The following PELP1 variants were observed in gnomAD, a reference collection of about 807,000 sequenced individuals.
PELP1 encodes the protein proline-, glutamic acid- and leucine-rich protein 1.
A neutral mutation model predicts 95.5 loss-of-function variants in PELP1; 32 were observed. The ratio of observed to expected loss-of-function variants is 0.34; its 90% CI spans 0.25 to 0.45. The LOEUF (loss-of-function observed/expected upper bound fraction) is 0.45, where lower values mean the gene tolerates loss of function less well. PELP1 is among the 20% of genes least tolerant of loss of function. The pLI is 1.00. For missense variants in PELP1, 1,358 were observed against 1,444.8 expected, an observed-to-expected ratio of 0.94 and a Z score of 0.97; for synonymous variants, 668 against 600.1, an observed-to-expected ratio of 1.11 and a Z score of -1.65.
chr17:4,673,333 G>T lies in PELP1; in HGVS notation c.1762C>A (p.Leu588Met). ...GGTGGGCAGCGAGGAGACGGGGCCA[G>T]CAGCAGCGCCAGCAGCAGGCAGTAG... is the stretch of plus-strand genomic sequence containing the variant. ...ELYCLLLALL[L>M]APSPRCPPPL... Residue 588 changes from leucine (L) to methionine (M), a missense_variant, in exon 15 of 17, where the codon CTG becomes ATG. Transcript: ENST00000572293. The surrounding 1 kb of genome is among the most constrained non-coding windows in gnomAD (Gnocchi z 5.7). 1 of 1,592,922 alleles carries T rather than the reference G, an allele frequency of 6.3e-7. No individual in the cohort carries two copies. Among genetic ancestry groups the T allele is most frequent in the Non-Finnish European group, 8.5e-7 (1 of 1,169,942 alleles).
rs994484147 is a variant in PELP1, at chr17:4,703,902, C to T, written c.210G>A (p.Met70Ile). 5 of 1,613,268 alleles carry T rather than the reference C, an allele frequency of 3.1e-6. No homozygotes were observed. The highest frequency in any genetic ancestry group is 2.7e-5 in the African/African-American group (2 of 74,932). The stretch of plus-strand genomic sequence containing the variant: ...CCGACCCATGCAGCCGCAATAGGCA[C>T]ATGAGCCCGGGCAAATGTGGGGCCG... ...NRSAPHLPGL[M>I]CLLRLHGSVG... The change falls in exon 1 of 17, where the codon ATG becomes ATA. Residue 70 changes from methionine to isoleucine, a missense_variant. Met to Ile is a conservative substitution (Grantham distance 10). This residue lies in a region of PELP1 where 169 missense variants were observed against 134.9 expected (regional missense o/e 1.25). Transcript: ENST00000572293.
chr17:4,680,805 C>T (rs1235439414), intron 5 of PELP1, among the ~76,000 whole-genome samples: 1 of 152,188 alleles, frequency 6.6e-6, no homozygotes, highest in Admixed American at 6.5e-5. Flanking sequence ...CAGGGGAATA[C>T]CTACTTGTTC....
rs768684217 is a variant in PELP1, at chr17:4,674,523, C to T, written c.1569G>A (p.Ala523=). 8.7e-6 allele frequency: 14 copies of T among 1,612,958 alleles called. No homozygotes were observed. The highest frequency in any genetic ancestry group is 1.1e-5 in the Non-Finnish European group (13 of 1,179,502). Residue 523 remains alanine, a synonymous_variant, in exon 13 of 17, where the codon GCG becomes GCA. Coordinates refer to ENST00000572293, the MANE Select transcript of PELP1 (RefSeq NM_014389.3). The part of the protein sequence containing the change: ...GDSNANSDVC[A]AALRGLSRTI... ...GGCCTCACCCACCTCTGAGTGCAGC[C>T]GCACACACGTCGCTGTTGGCATTGC...
chr17:4,698,024 T>C (rs1249993908), intron 1 of PELP1, among the ~76,000 whole-genome samples: 5 of 150,532 alleles, frequency 3.3e-5, no homozygotes, highest in Non-Finnish European at 4.4e-5. Flanking sequence ...TTTTTTTTTT[T>C]TTGTAGAGAT....
chr17:4,675,519 A>G lies in PELP1; in HGVS notation c.1069-157T>C. On this transcript the variant is annotated intron_variant, in intron 9 of 16. Coordinates refer to ENST00000572293, the MANE Select transcript of PELP1 (RefSeq NM_014389.3). This position sits in a 1 kb window ranked among gnomAD's most constrained non-coding sequence, Gnocchi z 4.3. Reference sequence around the variant, plus strand: ...ACAAAATCAAACCCCTATCCTCTAAAATAGACCCTGGATGGAAGGTAAGAA... The same window carrying G: ...ACAAAATCAAACCCCTATCCTCTAAGATAGACCCTGGATGGAAGGTAAGAA... The G allele has an allele frequency of 5.6e-6, 4 of 714,754 alleles. No homozygotes were observed. The highest frequency in any genetic ancestry group is 3.5e-5 in the African/African-American group (2 of 57,552). The allele number at this position is 714,754 out of a possible 1,614,324, so 44.3% of individuals were successfully genotyped here.
At chr17:4,700,856 T>C (rs1447896986) in intron 1 of PELP1, among the ~76,000 whole-genome samples, 2 of 144,140 alleles carry the variant, frequency 1.4e-5, no homozygotes, top group East Asian at 4.0e-4. Context: ...ACCTGGGAGG[T>C]TGAGGCCAAG....
In PELP1 at chr17:4,672,918, T is replaced by C. The variant is rs1458854533; in HGVS notation, c.2073A>G (p.Ser691=). The change falls in exon 16 of 17, where the codon TCA becomes TCG. Residue 691 remains serine, a synonymous_variant. Transcript: ENST00000572293. ...GPMPSAGPMP[S]AGPVPSARPG... ...GGCGTGCCGAGGGCACAGGGCCTGC[T>C]GAGGGCATGGGGCCTGCTGAAGGCA... is the stretch of plus-strand genomic sequence containing the variant. The C allele has an allele frequency of 6.2e-7, 1 of 1,612,482 alleles. No homozygotes were observed. The highest frequency in any genetic ancestry group is 1.7e-5 in the Admixed American group (1 of 59,912).
rs536226031 is a variant in PELP1 at position 4,683,251 on chromosome 17, T to C, written c.421-299A>G. The C allele has an allele frequency of 9.3e-3, 2,270 of 243,064 alleles. 20 individuals are homozygous for C. The highest frequency in any genetic ancestry group is 0.011 in the Non-Finnish European group (1,648 of 144,716). The allele number at this position is 243,064 out of a possible 1,614,324, so 15.1% of individuals were successfully genotyped here. A position where few individuals can be genotyped will look rare whatever the true frequency, so the allele number is the denominator to read the frequency against. ...TTTTTTTTTTTTTGAGACGGAGTCT[T>C]GCTCTGTCACCCAGGCTGGAGTGCA... On this transcript the variant is annotated intron_variant, in intron 3 of 16. Coordinates refer to ENST00000572293, the MANE Select transcript of PELP1 (RefSeq NM_014389.3).
chr17:4,676,776 C>T lies in PELP1; in HGVS notation c.679G>A (p.Ala227Thr), dbSNP rs374723509. 1 of 1,571,382 alleles carries T rather than the reference C, an allele frequency of 6.4e-7. No individual in the cohort carries two copies. Among genetic ancestry groups the T allele is most frequent in the Non-Finnish European group, 8.6e-7 (1 of 1,157,940 alleles). The change falls in exon 6 of 17, where the codon GCC becomes ACC. Residue 227 changes from alanine (A) to threonine (T), a missense_variant. Ala to Thr is a moderately conservative substitution (Grantham distance 58). Transcript: ENST00000572293. ...LASFFLSRVD[A>T]LSPQLQQLAC... is the part of the protein sequence containing the mutation. ...ACCTGTTGGAGCTGAGGGCTCAAGG[C>T]ATCCACCCTAGACAGAAAAAATGAG...
In PELP1 at chr17:4,672,722, C is replaced by A. The variant is rs546964350; in HGVS notation, c.2269G>T (p.Gly757Trp). Residue 757 changes from glycine to tryptophan, a missense_variant, in exon 16 of 17, where the codon GGG becomes TGG. Gly to Trp is a radical substitution (Grantham distance 184). Around this residue, in one of 7 missense-constraint regions of PELP1, gnomAD observed 340 missense variants for 322.9 expected, o/e 1.05. Transcript: ENST00000572293. ...AAGGCTGGTCTGGGCACTCTCCCCC[C>A]AAAAGTTTCATCTGGGGGTATAGTA... The part of the protein sequence containing the change: ...PPTIPPDETF[G>W]GRVPRPAFVH... The A allele has an allele frequency of 6.8e-6, 11 of 1,613,268 alleles. No homozygotes were observed. The highest frequency in any genetic ancestry group is 2.2e-5 in the East Asian group (1 of 44,878).
At chr17:4,677,302 T>C (rs1169939305) in intron 5 of PELP1, among the ~76,000 whole-genome samples, 1 of 152,088 alleles carries the variant, frequency 6.6e-6, no homozygotes, top group Non-Finnish European at 1.5e-5. Flanking sequence ...TTCGGCACTT[T>C]CTCTGCCTGC....
At chr17:4,683,394 G>A (rs1228399454) in intron 3 of PELP1, among the ~76,000 whole-genome samples, 2 of 151,710 alleles carry the variant, frequency 1.3e-5, no homozygotes, top group Non-Finnish European at 2.9e-5. Flanking sequence ...CTAATTTTTT[G>A]TATTTTTAGT....
intron 1 of PELP1, among the ~76,000 whole-genome samples, chr17:4,703,584 CA>C (rs1182616878): frequency 6.6e-6 from 1 of 152,102 alleles, no homozygotes; most frequent in East Asian, 1.9e-4. Flanking sequence ...TTAGATTATA[CA>C]ACTAGTGAGT....
Position 4,703,846 on chromosome 17 carries a change from G to T in PELP1, c.249+17C>A. ...ATCCTCCCCACAGGGCCGCGGGCACGCGGGCCACGGACTCACCTGGGCCCC... is the reference window on the plus strand; with the variant it reads ...ATCCTCCCCACAGGGCCGCGGGCACTCGGGCCACGGACTCACCTGGGCCCC... On this transcript the variant is annotated intron_variant, in intron 1 of 16. Transcript: ENST00000572293. 1 of 1,598,078 alleles carries T rather than the reference G, an allele frequency of 6.3e-7. No individual in the cohort carries two copies. Among genetic ancestry groups the T allele is most frequent in the Admixed American group, 1.7e-5 (1 of 58,222 alleles).
rs113347394 is a variant in PELP1 at position 4,684,437 on chromosome 17, A to G, written c.421-1485T>C. 4.2e-3 allele frequency among the ~76,000 whole-genome samples: 636 copies of G among 152,292 alleles called. 4 individuals are homozygous for G. The highest frequency in any genetic ancestry group is 0.027 in the Middle Eastern group (8 of 294). On this transcript the variant is annotated intron_variant, in intron 3 of 16. Coordinates refer to ENST00000572293, the MANE Select transcript of PELP1 (RefSeq NM_014389.3). ...CAGCAATTACTTTTGCACCAACCTA[A>G]TAAAACAGCCTTCGCTTCCCACTCC...
intron 16 of PELP1, 76 bp downstream of exon 16, chr17:4,671,613 TAA>T: frequency 6.2e-7 from 1 of 1,603,034 alleles, no homozygotes; most frequent in Non-Finnish European, 8.5e-7. Context: ...AAACCTCTCC[TAA>T]GAGAAGCAGC....
chr17:4,676,256 T>TC, intron 7 of PELP1, 94 bp from the exon 8 acceptor site: 1 of 1,582,246 alleles, frequency 6.3e-7, no homozygotes, highest in Non-Finnish European at 8.6e-7. Context: ...TAACCCATTT[T>TC]CCCCAAAAAC....
In PELP1 at chr17:4,701,067, T is replaced by C. The variant is rs565885172; in HGVS notation, c.249+2796A>G. On this transcript the variant is annotated intron_variant, in intron 1 of 16. Coordinates refer to ENST00000572293, the MANE Select transcript of PELP1 (RefSeq NM_014389.3). The stretch of plus-strand genomic sequence containing the variant: ...CATTGGCAAACGTTCACTGTTAAAT[T>C]TGAGTGATGGGGGCAGCATAGGGTG... Among the ~76,000 whole-genome samples, 5 of 148,740 alleles carry C rather than the reference T, an allele frequency of 3.4e-5. No homozygotes were observed. In the South Asian group the frequency reaches 8.5e-4, roughly 25 times the overall value.
rs774281042 is a variant in PELP1 at position 4,672,050 on chromosome 17, T to C, written c.2941A>G (p.Thr981Ala). Residue 981 changes from threonine to alanine, a missense_variant, in exon 16 of 17, where the codon ACC becomes GCC. This residue lies in a region of PELP1 where 283 missense variants were observed against 284.1 expected (regional missense o/e 1.00). Transcript: ENST00000572293. ...GGGGGAGGCAGAGCTGGAGGCAGGG[T>C]TGGGGGTGGAGGTGCACCTTCTTCT... ...EVEEGAPPPP[T>A]LPPALPPPES... The C allele has an allele frequency of 2.6e-6, 4 of 1,566,930 alleles. No homozygotes were observed. In the African/African-American group the frequency reaches 4.1e-5, roughly 16 times the overall value.
Sources: allele counts gnomAD v4.1 joint callset (sites outside exome capture counted in the v4.1 genomes callset), GRCh38; gene constraint gnomAD v4.1.1; regional missense constraint gnomAD v4.1.1; non-coding constraint Gnocchi (gnomAD v3.1); transcripts MANE v1.5; gene names NCBI Gene and HGNC (gene_info 2026-07-23, HGNC 2026-07-21).